COL22A1: variants seen among roughly 807,000 people sequenced by gnomAD.
The protein encoded by COL22A1 is collagen alpha-1(XXII) chain.
A neutral mutation model predicts 248.9 loss-of-function variants in COL22A1; 221 were observed. The ratio of observed to expected loss-of-function variants is 0.89; its 90% confidence interval spans 0.80 to 0.99. COL22A1 has a LOEUF of 0.99. COL22A1 is among the 50% of genes least tolerant of loss of function. The probability of loss-of-function intolerance (pLI) is 0.00; values close to 1 mark genes in which losing one functional copy is unlikely to be tolerated. For synonymous variants in COL22A1, 891 were observed against 793.4 expected, an observed-to-expected ratio of 1.12 and a Z score of -2.07; for missense variants, 2,240 against 2,179.0, an observed-to-expected ratio of 1.03 and a Z score of -0.56.
At chr8:138,810,010 C>CAA (rs1403765631) in intron 9 of COL22A1, among the ~76,000 whole-genome samples, 3 of 152,060 alleles carry the variant, frequency 2.0e-5, no homozygotes, top group Non-Finnish European at 4.4e-5. Context: ...CATTTTCAAT[C>CAA]TAATGTGATA....
rs1037711196 is a variant in COL22A1, at chr8:138,759,551, T to C, written c.1902+692A>G. 3.9e-5 allele frequency among the ~76,000 whole-genome samples: 6 copies of C among 152,214 alleles called. No individual in the cohort carries two copies. The East Asian group carries it at 1.2e-3, about 29-fold the overall frequency. On this transcript the variant is annotated intron_variant, in intron 18 of 64. Transcript: ENST00000303045. Reference sequence around the variant, plus strand: ...TCACCCCTCCTATGCCAATCCAGAATACAACATCACACCTTCTCTTTTTCC... The same window carrying C: ...TCACCCCTCCTATGCCAATCCAGAACACAACATCACACCTTCTCTTTTTCC...
intron 36 of COL22A1, among the ~76,000 whole-genome samples, 191 bp from the exon 37 acceptor site, chr8:138,689,161 G>GGA (rs909137969): frequency 6.9e-6 from 1 of 145,002 alleles, no homozygotes; most frequent in African/African-American, 2.7e-5. Context: ...GCTCTCCCGG[G>GGA]GGGGGGGCTG....
At chr8:138,836,505 G>T (rs983043743) in intron 4 of COL22A1, among the ~76,000 whole-genome samples, 1 of 152,168 alleles carries the variant, frequency 6.6e-6, no homozygotes, top group African/African-American at 2.4e-5. Context: ...CTCACTAAAT[G>T]CTGGATGCTC....
rs141897100 is a variant in COL22A1, at chr8:138,878,177, C to A, written c.231G>T (p.Val77=). Residue 77 remains valine, a synonymous_variant, in exon 3 of 65, where the codon GTG becomes GTT. Transcript: ENST00000303045. ...TFEVGPDRTR[V]GVVRYSDRPT... ...GCCGGTCGCTGTAGCGCACGACCCC[C>A]ACACGGGTGCGGTCGGGGCCCACCT... 6.9e-5 allele frequency: 110 copies of A among 1,603,416 alleles called. No homozygotes were observed. The highest frequency in any genetic ancestry group is 9.2e-5 in the Non-Finnish European group (108 of 1,175,930).
chr8:138,847,022 C>T (rs550053917), intron 3 of COL22A1, among the ~76,000 whole-genome samples: 5 of 152,306 alleles, frequency 3.3e-5, no homozygotes, highest in African/African-American at 7.2e-5. Flanking sequence ...CCTTGAACAA[C>T]CCCAGGGGCT....
At chr8:138,828,511 A>G (rs899345648) in intron 5 of COL22A1, among the ~76,000 whole-genome samples, 2 of 152,204 alleles carry the variant, frequency 1.3e-5, no homozygotes, top group Non-Finnish European at 1.5e-5. Flanking sequence ...CTCAGATTCA[A>G]TAAAGCACTT....
intron 52 of COL22A1, chr8:138,620,052 C>G (rs528783688): frequency 6.2e-6 from 1 of 160,754 alleles, no homozygotes; most frequent in African/African-American, 2.4e-5. Context: ...TTCCTCACCC[C>G]ATCATCTTAA....
chr8:138,865,743 G>A (rs1449720331), intron 3 of COL22A1, among the ~76,000 whole-genome samples: 1 of 150,914 alleles, frequency 6.6e-6, no homozygotes, highest in South Asian at 2.1e-4. Context: ...TTGTAGGCCT[G>A]TGTGTGAGTA....
At chr8:138,613,807 T>A (rs891290750) in intron 56 of COL22A1, 60 bp downstream of exon 56, 1 of 1,395,070 alleles carries the variant, frequency 7.2e-7, no homozygotes, top group Non-Finnish European at 1.0e-6. Context: ...TAACTAAATA[T>A]CATTGTGGTA....
intron 1 of COL22A1, among the ~76,000 whole-genome samples, chr8:138,905,309 A>T (rs1814927180): frequency 6.6e-6 from 1 of 152,176 alleles, no homozygotes; most frequent in African/African-American, 2.4e-5. Flanking sequence ...ACTCATTTAA[A>T]CTTGGATATC....
chr8:138,805,513 G>A (rs1183441434), intron 10 of COL22A1, among the ~76,000 whole-genome samples: 1 of 147,446 alleles, frequency 6.8e-6, no homozygotes, highest in Non-Finnish European at 1.5e-5. Flanking sequence ...GTGATGGTGT[G>A]TGTGTATATG....
intron 47 of COL22A1, among the ~76,000 whole-genome samples, chr8:138,637,598 C>A (rs1352531843): frequency 1.3e-5 from 2 of 152,196 alleles, no homozygotes; most frequent in African/African-American, 2.4e-5. Flanking sequence ...TTATTATCTT[C>A]TTTATTTTGC....
chr8:138,668,717 G>T (rs767002067), intron 41 of COL22A1, among the ~76,000 whole-genome samples: 1 of 152,214 alleles, frequency 6.6e-6, no homozygotes, highest in Non-Finnish European at 1.5e-5. Context: ...GCCTAGTGCT[G>T]TGTGCTGGGG....
rs1398614547 is a variant in COL22A1 at position 138,811,832 on chromosome 8, C to G, written c.1416G>C (p.Lys472Asn). ...TPGSEQIGFL[K>N]TINCSCPAGE... is the part of the protein sequence containing the mutation. ...CAGCTGGGCAGGAGCAGTTGATGGT[C>G]TTCAAAAACCCAATCTGTTCACTGC... Residue 472 changes from lysine (K) to asparagine (N), a missense_variant, in exon 9 of 65, where the codon AAG becomes AAC. By Grantham distance (94) the Lys-to-Asn change is moderately conservative. Transcript: ENST00000303045. 1.4e-6 allele frequency: 2 copies of G among 1,470,614 alleles called. No homozygotes were observed. The highest frequency in any genetic ancestry group is 1.8e-6 in the Non-Finnish European group (2 of 1,093,182). 91.1% of individuals were successfully genotyped at this position (1,470,614 alleles called of 1,614,324 possible). A position where few individuals can be genotyped will look rare whatever the true frequency, so the allele number is the denominator to read the frequency against.
At chr8:138,636,003 A>G (rs1038326787) in intron 48 of COL22A1, among the ~76,000 whole-genome samples, 9 of 152,228 alleles carry the variant, frequency 5.9e-5, no homozygotes, top group Non-Finnish European at 1.3e-4. Flanking sequence ...CCTGGCATGG[A>G]ATTGGCTGAC....
At chr8:138,745,626 C>G (rs2131310765) in intron 22 of COL22A1, among the ~76,000 whole-genome samples, 1 of 152,168 alleles carries the variant, frequency 6.6e-6, no homozygotes, top group South Asian at 2.1e-4. Context: ...AAAACAAAAA[C>G]AAATTCTCAA....
intron 6 of COL22A1, among the ~76,000 whole-genome samples, chr8:138,821,744 A>T (rs567208050): frequency 6.6e-6 from 1 of 152,216 alleles, no homozygotes; most frequent in East Asian, 1.9e-4. Flanking sequence ...CTTTGGTGAG[A>T]CTCCAAGACA....
Position 138,594,211 on chromosome 8 carries a change from A to G in COL22A1, c.4433-12T>C. On this transcript the variant is annotated splice_polypyrimidine_tract_variant and intron_variant, in intron 62 of 64. Coordinates refer to ENST00000303045, the MANE Select transcript of COL22A1 (RefSeq NM_152888.3). ...GTAGGCGAGTCTGGCTGTAAAGTAG[A>G]AAAAGAGAGGCATTTCATGAAGAAC... 1 of 1,560,532 alleles carries G rather than the reference A, an allele frequency of 6.4e-7. No individual in the cohort carries two copies. Among genetic ancestry groups the G allele is most frequent in the Non-Finnish European group, 8.6e-7 (1 of 1,161,114 alleles).
chr8:138,833,038 C>T lies in COL22A1; in HGVS notation c.845+1G>A, dbSNP rs138161220. On this transcript the variant is annotated splice_donor_variant, in intron 5 of 64. Coordinates refer to ENST00000303045, the MANE Select transcript of COL22A1 (RefSeq NM_152888.3). LOFTEE classifies it high-confidence loss of function. ...GTCTGGAAAGAGAAGTGGCCACTCA[C>T]TCAGTACTTTGCACCACAGGGAAGG... 1.9e-5 allele frequency: 31 copies of T among 1,597,106 alleles called. No homozygotes were observed. In the African/African-American group the frequency reaches 3.5e-4, roughly 18 times the overall value.
Sources: gnomAD v4.1 joint callset for allele counts (sites outside exome capture counted in the v4.1 genomes callset) on GRCh38, gnomAD v4.1.1 for gene constraint, MANE v1.5 for transcripts, NCBI Gene and HGNC (gene_info 2026-07-23, HGNC 2026-07-21) for gene names.